CROCC2: variants seen among roughly 807,000 people sequenced by gnomAD.
CROCC2 encodes the protein ciliary rootlet coiled-coil, rootletin family member 2.
CROCC2 carries 163 observed loss-of-function variants against 177.6 expected under a neutral mutation model. The ratio of observed to expected loss-of-function variants is 0.92; its 90% confidence interval spans 0.81 to 1.05. The LOEUF is 1.05. Among genes scored for constraint, CROCC2 ranks in the 50% least tolerant of loss-of-function variants. The pLI is 0.00. For synonymous variants in CROCC2, 904 were observed against 787.3 expected (o/e 1.15, Z -2.48); for missense variants, 1,929 against 1,797.8 (o/e 1.07, Z -1.32).
chr2:240,934,097 C>T (rs1190949144), intron 11 of CROCC2, among the ~76,000 whole-genome samples: 2 of 152,188 alleles, frequency 1.3e-5, no homozygotes, highest in Admixed American at 6.5e-5. Context: ...GTGGGCCCAT[C>T]AGATGTGGGG....
At chr2:240,935,655 G>T (rs1326519028) in intron 14 of CROCC2, 67 bp downstream of exon 14, 5 of 1,219,038 alleles carry the variant, frequency 4.1e-6, no homozygotes, top group Admixed American at 3.4e-5. Flanking sequence ...CTTGCCTAAG[G>T]TACTTCTGGG....
rs1343595799 is a variant in CROCC2 at position 240,949,254 on chromosome 2, C to T, written c.2482+157C>T. The T allele has an allele frequency of 4.3e-6, 4 of 937,930 alleles. No individual in the cohort carries two copies. In the African/African-American group the frequency reaches 7.1e-5, roughly 17 times the overall value. The allele number at this position is 937,930 out of a possible 1,614,324, so 58.1% of individuals were successfully genotyped here. ...GCTCATGCGACTGAGCGACTTGGGCCACCCTCGCCCATGAGGAGCAGCAAC... is the reference window on the plus strand; with the variant it reads ...GCTCATGCGACTGAGCGACTTGGGCTACCCTCGCCCATGAGGAGCAGCAAC... On this transcript the variant is annotated intron_variant, in intron 16 of 31. Coordinates refer to ENST00000690015, the MANE Select transcript of CROCC2 (RefSeq NM_001351305.2). The surrounding 1 kb of genome is among the most constrained non-coding windows in gnomAD (Gnocchi z 4.5).
At chr2:240,986,259 TC>T (rs1559193173) in intron 28 of CROCC2, among the ~76,000 whole-genome samples, 1 of 151,744 alleles carries the variant, frequency 6.6e-6, no homozygotes, top group Non-Finnish European at 1.5e-5. Flanking sequence ...GAGGCCAGAG[TC>T]CCCGCGGAAG....
chr2:240,962,446 G>A (rs755291784), intron 20 of CROCC2, among the ~76,000 whole-genome samples: 1 of 152,138 alleles, frequency 6.6e-6, no homozygotes, highest in African/African-American at 2.4e-5. Context: ...TGCTGAGCTC[G>A]GCGGAAAATG....
intron 28 of CROCC2, chr2:240,983,405 C>CGCCCA (rs1442248153): frequency 7.8e-7 from 1 of 1,286,520 alleles, no homozygotes; most frequent in African/African-American, 1.5e-5. Context: ...CCCTGGCCCA[C>CGCCCA]GCCCAGCGTC....
chr2:240,983,130 C>T (rs962869118), intron 28 of CROCC2, 101 bp downstream of exon 28: 10 of 1,221,764 alleles, frequency 8.2e-6, no homozygotes, highest in African/African-American at 1.5e-5. Flanking sequence ...AGTCCCTCAA[C>T]ATGAAGGGAG....
rs2059464417 is a variant in CROCC2 at position 240,935,607 on chromosome 2, C to CA, written c.2169+20dup. ...GGGCCAGGTGAGGACGTCTGCAGGG[C>CA]ATGCTGCCGCCGTCTGGGATGCGGC... On this transcript the variant is annotated intron_variant, in intron 14 of 31. Transcript: ENST00000690015. The CA allele has an allele frequency of 7.2e-7, 1 of 1,379,918 alleles. No individual in the cohort carries two copies. Among genetic ancestry groups the CA allele is most frequent in the African/African-American group, 1.5e-5 (1 of 65,816 alleles). 85.5% of individuals were successfully genotyped at this position (1,379,918 alleles called of 1,614,324 possible). A position where few individuals can be genotyped will look rare whatever the true frequency, so the allele number is the denominator to read the frequency against.
rs1321476762 is a variant in CROCC2, at chr2:240,973,686, CG to C, written c.4401+5428del. Reference sequence around the variant, plus strand: ...AGCTAGCAGAGCAGCTTAGGGCCAGCGGGGCCCACAAGGTGGACACTGAGCC... The same window carrying C: ...AGCTAGCAGAGCAGCTTAGGGCCAGCGGGCCCACAAGGTGGACACTGAGCC... On this transcript the variant is annotated intron_variant, in intron 27 of 31. Coordinates refer to ENST00000690015, the MANE Select transcript of CROCC2 (RefSeq NM_001351305.2). The surrounding 1 kb of genome is among the most constrained non-coding windows in gnomAD (Gnocchi z 4.7). Among the ~76,000 whole-genome samples, 1 of 152,180 alleles carries C rather than the reference CG, an allele frequency of 6.6e-6. No individual in the cohort carries two copies. Among genetic ancestry groups the C allele is most frequent in the Non-Finnish European group, 1.5e-5 (1 of 68,038 alleles).
rs928892703 is a variant in CROCC2 at position 240,929,745 on chromosome 2, G to C, written c.646-421G>C. 4 of 463,860 alleles carry C rather than the reference G, an allele frequency of 8.6e-6. 1 individual carries two copies. Among genetic ancestry groups the C allele is most frequent in the Non-Finnish European group, 1.7e-5 (4 of 232,674 alleles). 28.7% of individuals were successfully genotyped at this position (463,860 alleles called of 1,614,324 possible). On this transcript the variant is annotated intron_variant, in intron 5 of 31. Transcript: ENST00000690015. ...GAAAGGCAGCCCGTCCTCTTCCATTGGAGTGGCAGGGCAGGAGCCCTGTGC... is the reference window on the plus strand; with the variant it reads ...GAAAGGCAGCCCGTCCTCTTCCATTCGAGTGGCAGGGCAGGAGCCCTGTGC...
intron 1 of CROCC2, among the ~76,000 whole-genome samples, chr2:240,909,990 C>T (rs2059277375): frequency 6.6e-6 from 1 of 152,210 alleles, no homozygotes; most frequent in Non-Finnish European, 1.5e-5. Context: ...CGAACATGCT[C>T]CCAGGCCCGG....
Position 240,958,990 on chromosome 2 carries a change from G to A in CROCC2, c.2944-311G>A. 1 of 271,674 alleles carries A rather than the reference G, an allele frequency of 3.7e-6. No homozygotes were observed. Among genetic ancestry groups the A allele is most frequent in the Middle Eastern group, 1.0e-3 (1 of 960 alleles). 16.8% of individuals were successfully genotyped at this position (271,674 alleles called of 1,614,324 possible). A position where few individuals can be genotyped will look rare whatever the true frequency, so the allele number is the denominator to read the frequency against. ...CAAATGGAGGGTAGAGCTGCCCAGT[G>A]TGTGGTGGTCCCTGTAGGGATGGGC... is the stretch of plus-strand genomic sequence containing the variant. On this transcript the variant is annotated intron_variant, in intron 19 of 31. Transcript: ENST00000690015. The surrounding 1 kb of genome is among the most constrained non-coding windows in gnomAD (Gnocchi z 6.7).
At chr2:240,948,918 A>G in intron 15 of CROCC2, 61 bp from the exon 16 acceptor site, 2 of 1,462,906 alleles carry the variant, frequency 1.4e-6, no homozygotes, top group South Asian at 2.4e-5. Context: ...AAAGCTATAG[A>G]GAGCATTTTA....
chr2:240,985,654 A>G (rs2059834824), intron 28 of CROCC2, among the ~76,000 whole-genome samples: 1 of 96,338 alleles, frequency 1.0e-5, no homozygotes. Flanking sequence ...CTCCACACAC[A>G]CCCAGCACAC....
chr2:240,954,845 C>T (rs1418254448), intron 18 of CROCC2: 1 of 152,142 alleles, frequency 6.6e-6, no homozygotes, highest in East Asian at 1.9e-4. Context: ...GGTGTGGTCC[C>T]AGGGGCCCGC....
intron 26 of CROCC2, 94 bp from the exon 27 acceptor site, chr2:240,968,035 G>C: frequency 7.9e-7 from 1 of 1,272,878 alleles, no homozygotes; most frequent in Non-Finnish European, 1.0e-6. Flanking sequence ...CTCCACGTGG[G>C]AGCCAGTCAC....
chr2:240,935,121 G>T (rs1426886541), intron 13 of CROCC2, 59 bp downstream of exon 13: 14 of 1,329,630 alleles, frequency 1.1e-5, no homozygotes, highest in Non-Finnish European at 1.4e-5. Flanking sequence ...GTGGCTGTGG[G>T]TCTCCCAGCC....
rs1051129753 is a variant in CROCC2 at position 240,933,521 on chromosome 2, C to T, written c.1464-149C>T. 18 of 1,115,174 alleles carry T rather than the reference C, an allele frequency of 1.6e-5. No individual in the cohort carries two copies. In the Admixed American group the frequency reaches 1.9e-4, roughly 12 times the overall value. The allele number at this position is 1,115,174 out of a possible 1,614,324, so 69.1% of individuals were successfully genotyped here. A position where few individuals can be genotyped will look rare whatever the true frequency, so the allele number is the denominator to read the frequency against. On this transcript the variant is annotated intron_variant, in intron 10 of 31. Transcript: ENST00000690015. ...AGCGTGGGCCAGGGTGGGACACACC[C>T]GCCAGTGAGACCCTGTCTGCTTCTC...
intron 21 of CROCC2, 160 bp from the exon 22 acceptor site, chr2:240,964,306 C>A: frequency 1.2e-6 from 1 of 835,472 alleles, no homozygotes; most frequent in Non-Finnish European, 1.9e-6. Context: ...GGACATATGT[C>A]TGTAAGGTGA....
chr2:240,988,995 G>C, intron 29 of CROCC2, 125 bp downstream of exon 29: 2 of 1,063,214 alleles, frequency 1.9e-6, no homozygotes, highest in Non-Finnish European at 2.5e-6. Flanking sequence ...CACACATGGG[G>C]AGGGTGGCTG....
Sources: allele counts gnomAD v4.1 joint callset (sites outside exome capture counted in the v4.1 genomes callset), GRCh38; gene constraint gnomAD v4.1.1; non-coding constraint Gnocchi (gnomAD v3.1); transcripts MANE v1.5; gene names NCBI Gene and HGNC (gene_info 2026-07-23, HGNC 2026-07-21).